Variants in STK33 observed in about 807,000 individuals in gnomAD.
STK33 encodes the protein serine/threonine kinase 33, also known as serine/threonine-protein kinase 33.
Under a neutral mutation model 58.0 loss-of-function variants are expected in STK33, and 52 were observed. That is an observed-to-expected ratio of 0.90 (90% CI 0.72 to 1.13). The LOEUF is 1.13. STK33 is among the 50% of genes most tolerant of loss of function. The pLI is 0.00. For synonymous variants in STK33, 215 were observed against 200.1 expected (o/e 1.07, Z -0.63); for missense variants, 630 against 604.2 (o/e 1.04, Z -0.45).
At chr11:8,483,360 G>A (rs536344325) in intron 1 of STK33, among the ~76,000 whole-genome samples, 12 of 152,164 alleles carry the variant, frequency 7.9e-5, no homozygotes, top group Non-Finnish European at 1.3e-4. Context: ...CTCCTGGGAT[G>A]AGAAGTGAGA....
At chr11:8,495,265 C>T (rs1156881158) in intron 1 of STK33, among the ~76,000 whole-genome samples, 2 of 151,944 alleles carry the variant, frequency 1.3e-5, no homozygotes, top group Non-Finnish European at 2.9e-5. Flanking sequence ...AAACAAACAA[C>T]CCCATCAAAA....
intron 15 of STK33, 140 bp from the exon 16 acceptor site, chr11:8,392,850 A>C: frequency 1.4e-6 from 1 of 727,390 alleles, no homozygotes; most frequent in Non-Finnish European, 2.2e-6. Flanking sequence ...TCATATTGTA[A>C]AATTATTATT....
chr11:8,442,750 CA>C (rs1224241548), intron 11 of STK33, among the ~76,000 whole-genome samples: 4 of 151,762 alleles, frequency 2.6e-5, no homozygotes, highest in Non-Finnish European at 4.4e-5. Flanking sequence ...ATCTAGCAGA[CA>C]AAAAAAGCAA....
At chr11:8,394,836 T>C (rs1849064394) in intron 15 of STK33, among the ~76,000 whole-genome samples, 1 of 152,190 alleles carries the variant, frequency 6.6e-6, no homozygotes, top group Admixed American at 6.5e-5. Context: ...TGTAGTAAGA[T>C]AAGAAAATGA....
chr11:8,459,421 T>C (rs894190228), intron 8 of STK33, among the ~76,000 whole-genome samples: 1 of 152,180 alleles, frequency 6.6e-6, no homozygotes, highest in African/African-American at 2.4e-5. Context: ...GATGGTTTCC[T>C]CTGCCTTCAA....
At chr11:8,519,991 T>G (rs985539737) in intron 1 of STK33, among the ~76,000 whole-genome samples, 15 of 152,200 alleles carry the variant, frequency 9.9e-5, no homozygotes, top group South Asian at 8.3e-4. Context: ...TAGCTCATTT[T>G]ATGAGGCCAG....
chr11:8,437,088 A>C (rs758071203), intron 12 of STK33, among the ~76,000 whole-genome samples: 23 of 152,216 alleles, frequency 1.5e-4, no homozygotes, highest in Non-Finnish European at 2.5e-4. Flanking sequence ...TGAAATCAAA[A>C]GGGTCTGAAT....
At chr11:8,486,480 A>G (rs1345878208) in intron 1 of STK33, among the ~76,000 whole-genome samples, 1 of 152,056 alleles carries the variant, frequency 6.6e-6, no homozygotes, top group Non-Finnish European at 1.5e-5. Context: ...CTTAGACATC[A>G]TCTCCCCTGA....
At chr11:8,496,378 G>T (rs1034337770) in intron 1 of STK33, among the ~76,000 whole-genome samples, 4 of 152,056 alleles carry the variant, frequency 2.6e-5, no homozygotes, top group African/African-American at 7.2e-5. Context: ...TTTAATTGCT[G>T]GTGCTTCTAT....
At chr11:8,440,094 T>C (rs1469395030) in intron 12 of STK33, among the ~76,000 whole-genome samples, 2 of 151,564 alleles carry the variant, frequency 1.3e-5, no homozygotes, top group African/African-American at 2.4e-5. Context: ...AATCAAAGAA[T>C]AGGTAAGGAT....
chr11:8,547,236 C>T (rs183309540), intron 1 of STK33, among the ~76,000 whole-genome samples: 15 of 152,192 alleles, frequency 9.9e-5, no homozygotes, highest in Non-Finnish European at 7.4e-5. Context: ...TCTGTTGAGA[C>T]GGAGTTTCAT....
chr11:8,556,131 A>T (rs550670091), intron 1 of STK33, among the ~76,000 whole-genome samples: 1 of 152,290 alleles, frequency 6.6e-6, no homozygotes, highest in African/African-American at 2.4e-5. Flanking sequence ...CAGAAATAGG[A>T]GTAAAGTTGA....
At chr11:8,515,290 C>T (rs551573803) in intron 1 of STK33, among the ~76,000 whole-genome samples, 11 of 152,080 alleles carry the variant, frequency 7.2e-5, no homozygotes, top group Admixed American at 1.3e-4. Flanking sequence ...AACAATTATA[C>T]GCCAACAAAC....
intron 12 of STK33, among the ~76,000 whole-genome samples, chr11:8,436,485 G>A (rs1944083639): frequency 6.6e-6 from 1 of 152,076 alleles, no homozygotes; most frequent in Admixed American, 6.6e-5. Context: ...CAATAATAGT[G>A]GTAGCTAATA....
At chr11:8,422,504 G>T (rs1411832271) in intron 14 of STK33, among the ~76,000 whole-genome samples, 1 of 152,074 alleles carries the variant, frequency 6.6e-6, no homozygotes, top group African/African-American at 2.4e-5. Context: ...TCTCTTTTGA[G>T]GGGTAGAAGA....
intron 14 of STK33, among the ~76,000 whole-genome samples, chr11:8,418,820 T>G (rs1941499618): frequency 6.6e-6 from 1 of 152,198 alleles, no homozygotes; most frequent in Non-Finnish European, 1.5e-5. Flanking sequence ...ACTGTGGTCT[T>G]GATTTGAATT....
At chr11:8,452,751 G>A (rs1946430415) in intron 11 of STK33, 71 bp downstream of exon 11, 3 of 1,372,790 alleles carry the variant, frequency 2.2e-6, no homozygotes, top group African/African-American at 1.4e-5. Flanking sequence ...TCATGCCACT[G>A]CACTCCAGCC....
At chr11:8,413,744 C>T (rs774242804) in intron 14 of STK33, 52 bp from the exon 15 acceptor site, 36 of 1,488,532 alleles carry the variant, frequency 2.4e-5, no homozygotes, top group East Asian at 6.8e-5. Flanking sequence ...AGAATTGAGA[C>T]GATACCTACA....
intron 15 of STK33, among the ~76,000 whole-genome samples, chr11:8,410,473 T>TC (rs202016072): frequency 3.6e-5 from 5 of 139,642 alleles, no homozygotes; most frequent in South Asian, 2.3e-4. Flanking sequence ...TTCTTTTCTT[T>TC]TTTTTTTTTT....
Sources: gnomAD v4.1 joint callset for allele counts (sites outside exome capture counted in the v4.1 genomes callset) on GRCh38, gnomAD v4.1.1 for gene constraint, MANE v1.5 for transcripts, NCBI Gene and HGNC (gene_info 2026-07-23, HGNC 2026-07-21) for gene names.